DOCK11: variants seen among roughly 807,000 people sequenced by gnomAD.
DOCK11 encodes the protein dedicator of cytokinesis protein 11.
In DOCK11, 70 loss-of-function variants were observed where a neutral mutation model predicts 169.1. The ratio of observed to expected loss-of-function variants is 0.41; its 90% confidence interval spans 0.34 to 0.51. The LOEUF (loss-of-function observed/expected upper bound fraction) is 0.51, where lower values mean the gene tolerates loss of function less well. Ranked by LOEUF, DOCK11 falls within the 20% of genes least tolerant of loss-of-function variation. The pLI is 0.10. For synonymous variants in DOCK11, 529 were observed against 541.3 expected (o/e 0.98, Z 0.32); for missense variants, 1,166 against 1,538.8 (o/e 0.76, Z 4.05).
rs754402163 is a variant in DOCK11, at chrX:118,557,561, C to T, written c.559-3822C>T. 1.0e-4 allele frequency among the ~76,000 whole-genome samples: 11 copies of T among 108,715 alleles called. No homozygotes were observed. In the South Asian group the frequency reaches 3.2e-3, roughly 32 times the overall value. 94.4% of individuals were successfully genotyped at this position (108,715 alleles called of 115,157 possible). A position where few individuals can be genotyped will look rare whatever the true frequency, so the allele number is the denominator to read the frequency against. The stretch of plus-strand genomic sequence containing the variant: ...AGGTGGGTGGATCACGAGGTCAGAT[C>T]GAGACCATCCTGGCTAACATGGTGA... On this transcript the variant is annotated intron_variant, in intron 6 of 52. Coordinates refer to ENST00000276202, the MANE Select transcript of DOCK11 (RefSeq NM_144658.4).
At chrX:118,629,302 A>G (rs1175695273) in intron 34 of DOCK11, among the ~76,000 whole-genome samples, 1 of 111,690 alleles carries the variant, frequency 9.0e-6, no homozygotes, top group African/African-American at 3.3e-5. Context: ...TAAAGGTCAG[A>G]GAGGTTGAAT....
In DOCK11 at chrX:118,628,789, A is replaced by C. The variant is rs182746407; in HGVS notation, c.3774+517A>C. Among the ~76,000 whole-genome samples the C allele has an allele frequency of 4.3e-3, 481 of 113,093 alleles. 1 individual carries two copies. The highest frequency in any genetic ancestry group is 9.1e-3 in the Middle Eastern group (2 of 219). On this transcript the variant is annotated intron_variant, in intron 34 of 52. Transcript: ENST00000276202. ...GTTTGAGATGTGACTGCCTTAAGGC[A>C]GAAAGACCTCATTTTAGACGAGTAA... is the stretch of plus-strand genomic sequence containing the variant.
intron 1 of DOCK11, among the ~76,000 whole-genome samples, chrX:118,507,209 G>A (rs1226572938): frequency 8.9e-6 from 1 of 112,112 alleles, no homozygotes; most frequent in Non-Finnish European, 1.9e-5. Flanking sequence ...ATACTTCAGC[G>A]TTCCCATCGC....
chrX:118,658,374 TCTA>T (rs777965966), intron 44 of DOCK11, among the ~76,000 whole-genome samples: 2 of 112,875 alleles, frequency 1.8e-5, no homozygotes, highest in South Asian at 7.2e-4. Flanking sequence ...AAGCAGATGT[TCTA>T]CTGTGTAGCG....
intron 6 of DOCK11, among the ~76,000 whole-genome samples, chrX:118,549,143 T>TA (rs34327963): frequency 0.1 from 7,699 of 74,999 alleles, 729 homozygotes; most frequent in African/African-American, 0.28. Flanking sequence ...CATTAACATA[T>TA]AAAACTTTTT....
At chrX:118,637,129 C>T (rs919293499) in intron 36 of DOCK11, among the ~76,000 whole-genome samples, 4 of 110,777 alleles carry the variant, frequency 3.6e-5, no homozygotes, top group African/African-American at 1.3e-4. Context: ...GAAGAATAAA[C>T]AGCAGTTAAG....
At chrX:118,514,241 A>G (rs748361981) in intron 1 of DOCK11, among the ~76,000 whole-genome samples, 3 of 109,395 alleles carry the variant, frequency 2.7e-5, no homozygotes, top group African/African-American at 1.0e-4. Context: ...GGCCCCCCCC[A>G]TCAATGCTGA....
chrX:118,682,524 A>T (rs953569826), intron 51 of DOCK11, among the ~76,000 whole-genome samples: 4 of 111,699 alleles, frequency 3.6e-5, no homozygotes, highest in African/African-American at 1.3e-4. Flanking sequence ...TATGACAGGG[A>T]TATAAAACAA....
chrX:118,496,995 C>T (rs1237635139), intron 1 of DOCK11, among the ~76,000 whole-genome samples: 1 of 112,549 alleles, frequency 8.9e-6, no homozygotes, highest in African/African-American at 3.2e-5. Flanking sequence ...AGGGTGCTAA[C>T]GGGCACTTGC....
rs1020329989 is a variant in DOCK11, at chrX:118,495,833, G to T, written c.-139G>T. 33 of 191,874 alleles carry T rather than the reference G, an allele frequency of 1.7e-4. No homozygotes were observed. Among genetic ancestry groups the T allele is most frequent in the Admixed American group, 7.5e-4 (9 of 11,936 alleles). 15.8% of individuals were successfully genotyped at this position (191,874 alleles called of 1,213,427 possible). Reference sequence around the variant, plus strand: ...GAGGAGCAGCGTGAGCCGCGCCGCCGCCGAGCTGCGATGTGGCCGGCCGGC... The same window carrying T: ...GAGGAGCAGCGTGAGCCGCGCCGCCTCCGAGCTGCGATGTGGCCGGCCGGC... On this transcript the variant is annotated 5_prime_UTR_variant, in exon 1 of 53. Coordinates refer to ENST00000276202, the MANE Select transcript of DOCK11 (RefSeq NM_144658.4).
In DOCK11 at chrX:118,582,934, T is replaced by A. The variant is rs1335715290; in HGVS notation, c.1596-1801T>A. ...CCCAGCAGTCCCATTACTGGGTATA[T>A]ACCCAAAGGATTATAAATCATTCTA... is the stretch of plus-strand genomic sequence containing the variant. On this transcript the variant is annotated intron_variant, in intron 14 of 52. Transcript: ENST00000276202. 2.7e-5 allele frequency among the ~76,000 whole-genome samples: 3 copies of A among 112,267 alleles called. 1 individual carries two copies. Among genetic ancestry groups the A allele is most frequent in the African/African-American group, 9.7e-5 (3 of 30,892 alleles).
intron 1 of DOCK11, among the ~76,000 whole-genome samples, chrX:118,498,916 C>T (rs191417253): frequency 8.9e-6 from 1 of 111,756 alleles, no homozygotes; most frequent in African/African-American, 3.3e-5. Context: ...GTTATTAGTA[C>T]TTCCACGAAT....
chrX:118,500,436 C>A (rs1189961897), intron 1 of DOCK11, among the ~76,000 whole-genome samples: 1 of 111,243 alleles, frequency 9.0e-6, no homozygotes, highest in South Asian at 3.7e-4. Flanking sequence ...CATCTCATTA[C>A]CCAGAGGAAG....
At chrX:118,647,219 A>G (rs1248225162) in intron 40 of DOCK11, among the ~76,000 whole-genome samples, 1 of 103,424 alleles carries the variant, frequency 9.7e-6, no homozygotes, top group Non-Finnish European at 2.0e-5. Flanking sequence ...TAAAAGATGA[A>G]CTTCACTTGC....
rs2012112897 is a variant in DOCK11 at position 118,543,533 on chromosome X, A to G, written c.332A>G (p.Asp111Gly). 2 of 1,208,512 alleles carry G rather than the reference A, an allele frequency of 1.7e-6. No individual in the cohort carries two copies. The highest frequency in any genetic ancestry group is 4.3e-5 in the Admixed American group (2 of 46,073). The change falls in exon 4 of 53, where the codon GAT becomes GGT. Residue 111 changes from aspartate to glycine, a missense_variant. Asp to Gly is a moderately conservative substitution (Grantham distance 94, BLOSUM62 -1). Coordinates refer to ENST00000276202, the MANE Select transcript of DOCK11 (RefSeq NM_144658.4). ...VKECIKTYST[D>G]WHVVNYKYED... ...CAGTGTATTAAAACCTATAGCACAGATTGGCACGTGGTAAACTACAAGTAT... is the reference window on the plus strand; with the variant it reads ...CAGTGTATTAAAACCTATAGCACAGGTTGGCACGTGGTAAACTACAAGTAT...
At chrX:118,580,282 T>G in intron 14 of DOCK11, 103 bp downstream of exon 14, 1 of 611,943 alleles carries the variant, frequency 1.6e-6, no homozygotes. Context: ...GCAGGCCAGT[T>G]GTATCTTGGG....
intron 46 of DOCK11, among the ~76,000 whole-genome samples, chrX:118,672,501 C>T (rs750022819): frequency 2.7e-5 from 3 of 112,840 alleles, no homozygotes; most frequent in East Asian, 2.8e-4. Context: ...GGCGCTATCT[C>T]GGCTCACTGC....
intron 1 of DOCK11, among the ~76,000 whole-genome samples, chrX:118,498,358 T>A (rs1311566014): frequency 8.9e-6 from 1 of 112,828 alleles, no homozygotes; most frequent in Non-Finnish European, 1.9e-5. Context: ...ACACCCAGAT[T>A]ATGCACACAA....
intron 22 of DOCK11, among the ~76,000 whole-genome samples, chrX:118,598,403 A>G (rs1284592919): frequency 1.8e-5 from 2 of 110,334 alleles, no homozygotes; most frequent in Non-Finnish European, 3.8e-5. Flanking sequence ...TTAAAAAAAA[A>G]AAAAAACAGT....
Sources: gnomAD v4.1 joint callset for allele counts (sites outside exome capture counted in the v4.1 genomes callset) on GRCh38, gnomAD v4.1.1 for gene constraint, MANE v1.5 for transcripts, NCBI Gene and HGNC (gene_info 2026-07-23, HGNC 2026-07-21) for gene names.